ZDHHC18: variants seen among roughly 807,000 people sequenced by gnomAD.
ZDHHC18 encodes the protein palmitoyltransferase ZDHHC18.
A neutral mutation model predicts 37.5 loss-of-function variants in ZDHHC18; 23 were observed. The observed-to-expected ratio is 0.61, with a 90% CI of 0.44 to 0.87. The LOEUF (loss-of-function observed/expected upper bound fraction) is 0.87. Among genes scored for constraint, ZDHHC18 ranks in the 40% least tolerant of loss-of-function variants. The pLI is 0.00. For synonymous variants in ZDHHC18, 185 were observed against 218.7 expected (o/e 0.85, Z 1.36); for missense variants, 406 against 525.6 (o/e 0.77, Z 2.22).
At chr1:26,845,006 C>T (rs1319184423) in intron 2 of ZDHHC18, among the ~76,000 whole-genome samples, 9 of 151,620 alleles carry the variant, frequency 5.9e-5, no homozygotes, top group Middle Eastern at 3.4e-3. Flanking sequence ...CTGCAATCTC[C>T]GCCTCCTGAG....
intron 5 of ZDHHC18, 126 bp from the exon 6 acceptor site, chr1:26,851,003 A>G (rs1570675913): frequency 2.3e-6 from 2 of 880,698 alleles, no homozygotes; most frequent in East Asian, 5.0e-5. Context: ...GGACTGGGCC[A>G]CAGGAAGGTT....
At chr1:26,838,157 C>T (rs192201063) in intron 2 of ZDHHC18, among the ~76,000 whole-genome samples, 111 of 151,876 alleles carry the variant, frequency 7.3e-4, no homozygotes, top group African/African-American at 2.5e-3. Context: ...CCACCATGCA[C>T]CCTAATTTTG....
intron 7 of ZDHHC18, 73 bp downstream of exon 7, chr1:26,852,938 A>T: frequency 7.1e-7 from 1 of 1,405,452 alleles, no homozygotes; most frequent in Admixed American, 1.8e-5. Flanking sequence ...CCTGGATATC[A>T]GCCGACCTCC....
At chr1:26,845,320 CTTTTTTTTT>C (rs71007896) in intron 2 of ZDHHC18, among the ~76,000 whole-genome samples, 7 of 45,194 alleles carry the variant, frequency 1.5e-4, no homozygotes, top group Admixed American at 2.7e-4. Flanking sequence ...CTTCTTCATT[CTTTTTTTTT>C]TTTTTTTTTT....
At chr1:26,852,903 A>C in intron 7 of ZDHHC18, 38 bp downstream of exon 7, 1 of 1,592,272 alleles carries the variant, frequency 6.3e-7, no homozygotes, top group Non-Finnish European at 8.6e-7. Flanking sequence ...TAACAGGGCC[A>C]TGCCTGGCCA....
rs138622266 is a variant in ZDHHC18 at position 26,856,575 on chromosome 1, G to A, written c.*2732G>A. On this transcript the variant is annotated 3_prime_UTR_variant, in exon 8 of 8. Transcript: ENST00000374142. The surrounding 1 kb of genome is among the most constrained non-coding windows in gnomAD (Gnocchi z 5.2). Reference sequence around the variant, plus strand: ...GGCGAACCTGCCCTGAGGTGCTTGGGTCTGTGCTGGTGGGGTCCTGGTATG... The same window carrying A: ...GGCGAACCTGCCCTGAGGTGCTTGGATCTGTGCTGGTGGGGTCCTGGTATG... The A allele has an allele frequency of 7.5e-4, 143 of 191,162 alleles. 2 individuals carry two copies. The highest frequency in any genetic ancestry group is 7.8e-4 in the Admixed American group (15 of 19,202). 11.8% of individuals were successfully genotyped at this position (191,162 alleles called of 1,614,324 possible).
At position 26,850,495 on chromosome 1, in the gene ZDHHC18, G is replaced by GTCAGCAAGCT; in HGVS notation, c.785-56_785-47dup. 6.2e-7 allele frequency: 1 copy of GTCAGCAAGCT among 1,614,240 alleles called. No homozygotes were observed. The highest frequency in any genetic ancestry group is 8.5e-7 in the Non-Finnish European group (1 of 1,180,032). The stretch of plus-strand genomic sequence containing the variant: ...AAGGGGTCAGCCAGCAAGCTCAAGG[G>GTCAGCAAGCT]TCAGCAAGCTTCAGCAGTCACTGTC... On this transcript the variant is annotated intron_variant, in intron 4 of 7. Coordinates refer to ENST00000374142, the MANE Select transcript of ZDHHC18 (RefSeq NM_032283.3). The surrounding 1 kb of genome is among the most constrained non-coding windows in gnomAD (Gnocchi z 6.1).
In ZDHHC18 at chr1:26,853,631, C is replaced by T; in HGVS notation, c.1050-95C>T. ...TTCCTCAGCCTTTCTCAGCCTGGGC[C>T]TTTCCTTGGCTGAGATAGACTCTGC... On this transcript the variant is annotated intron_variant, in intron 7 of 7. Transcript: ENST00000374142. 4 of 1,207,898 alleles carry T rather than the reference C, an allele frequency of 3.3e-6. No individual in the cohort carries two copies. The South Asian group carries it at 3.9e-5, about 12-fold the overall frequency. The allele number at this position is 1,207,898 out of a possible 1,614,324, so 74.8% of individuals were successfully genotyped here.
intron 2 of ZDHHC18, among the ~76,000 whole-genome samples, chr1:26,844,149 C>G (rs2081652047): frequency 6.6e-6 from 1 of 152,120 alleles, no homozygotes; most frequent in South Asian, 2.1e-4. Flanking sequence ...AAGCAATTCT[C>G]CTGCCTCAGC....
chr1:26,837,925 T>G (rs1570669118), intron 2 of ZDHHC18, among the ~76,000 whole-genome samples: 1 of 151,954 alleles, frequency 6.6e-6, no homozygotes, highest in Admixed American at 6.6e-5. Context: ...GCTTGTGCTG[T>G]CCCCGCCTGC....
intron 7 of ZDHHC18, among the ~76,000 whole-genome samples, chr1:26,853,403 A>G (rs2081717126): frequency 6.6e-6 from 1 of 152,250 alleles, no homozygotes; most frequent in African/African-American, 2.4e-5. Context: ...GGAAGGGAAC[A>G]TAGGAATTTC....
intron 1 of ZDHHC18, 64 bp downstream of exon 1, chr1:26,827,203 C>T (rs2081562173): frequency 8.1e-7 from 1 of 1,240,008 alleles, no homozygotes; most frequent in Admixed American, 4.1e-5. Flanking sequence ...TTCCCAATCC[C>T]TGCTGGGCAC....
At chr1:26,848,128 G>A (rs991654206) in intron 2 of ZDHHC18, among the ~76,000 whole-genome samples, 5 of 152,034 alleles carry the variant, frequency 3.3e-5, no homozygotes, top group Non-Finnish European at 5.9e-5. Context: ...CCTGGCCAAC[G>A]TGGTGAAACT....
Position 26,850,565 on chromosome 1 carries a change from G to C in ZDHHC18, c.792G>C (p.Gln264His). Residue 264 changes from glutamine (Q) to histidine (H), a missense_variant, in exon 5 of 8, where the codon CAG becomes CAC. Gln to His is a conservative substitution (Grantham distance 24). Coordinates refer to ENST00000374142, the MANE Select transcript of ZDHHC18 (RefSeq NM_032283.3). This position sits in a 1 kb window ranked among gnomAD's most constrained non-coding sequence, Gnocchi z 6.1. ...CVVTHLTLRA[Q>H]GSNFLSTLKE... ...CTGTTTCTTTCTCCCCAGGCGCTCA[G>C]GGAAGCAACTTCCTCTCCACTCTGA... 2 of 1,614,126 alleles carry C rather than the reference G, an allele frequency of 1.2e-6. No individual in the cohort carries two copies. The highest frequency in any genetic ancestry group is 1.7e-6 in the Non-Finnish European group (2 of 1,180,020).
At chr1:26,830,098 T>C (rs2124245589) in intron 1 of ZDHHC18, among the ~76,000 whole-genome samples, 1 of 152,300 alleles carries the variant, frequency 6.6e-6, no homozygotes, top group Non-Finnish European at 1.5e-5. Context: ...GAAGGGCTTC[T>C]CTGAAGGCCA....
At position 26,832,480 on chromosome 1, in the gene ZDHHC18, C is replaced by T. The variant is rs1426082541; in HGVS notation, c.369C>T (p.Ala123=). The part of the protein sequence containing the change: ...CPYLARKLTL[A]IPIIAAILFF... ...ACCTGGCTCGCAAGCTGACCCTTGC[C>T]ATCCCCATCATCGCTGCCATCCTCT... Residue 123 remains alanine, a synonymous_variant, in exon 2 of 8, where the codon GCC becomes GCT. Transcript: ENST00000374142. The T allele has an allele frequency of 1.9e-6, 3 of 1,614,140 alleles. No homozygotes were observed. The highest frequency in any genetic ancestry group is 2.2e-5 in the South Asian group (2 of 91,086).
chr1:26,850,326 G>T lies in ZDHHC18; in HGVS notation c.672G>T (p.Trp224Cys). The change falls in exon 4 of 8, where the codon TGG becomes TGT. Residue 224 changes from tryptophan to cysteine, a missense_variant. Coordinates refer to ENST00000374142, the MANE Select transcript of ZDHHC18 (RefSeq NM_032283.3). This position sits in a 1 kb window ranked among gnomAD's most constrained non-coding sequence, Gnocchi z 6.1. The stretch of plus-strand genomic sequence containing the variant: ...AACGATTTGACCATCACTGCCCCTG[G>T]GTGGGCAACTGTGTGGGGAGACGGA... Reference protein sequence around the residue: ...CVERFDHHCPWVGNCVGRRNY... With the variant: ...CVERFDHHCPCVGNCVGRRNY... 1 of 1,614,234 alleles carries T rather than the reference G, an allele frequency of 6.2e-7. No homozygotes were observed. The highest frequency in any genetic ancestry group is 8.5e-7 in the Non-Finnish European group (1 of 1,180,034).
At chr1:26,843,123 T>C in intron 2 of ZDHHC18, among the ~76,000 whole-genome samples, 1 of 151,864 alleles carries the variant, frequency 6.6e-6, no homozygotes, top group Non-Finnish European at 1.5e-5. Context: ...AAGTCTTTCC[T>C]TTTTTCTTTC....
chr1:26,840,503 C>T (rs1002127329), intron 2 of ZDHHC18, among the ~76,000 whole-genome samples: 12 of 151,388 alleles, frequency 7.9e-5, no homozygotes, highest in East Asian at 2.0e-4. Context: ...TGCAGTGGCG[C>T]GATTTCGGAT....
Sources: gnomAD v4.1 joint callset for allele counts (sites outside exome capture counted in the v4.1 genomes callset) on GRCh38, gnomAD v4.1.1 for gene constraint, Gnocchi (gnomAD v3.1) non-coding constraint, MANE v1.5 for transcripts, NCBI Gene and HGNC (gene_info 2026-07-23, HGNC 2026-07-21) for gene names.